Variants in NEGR1 observed in about 807,000 individuals in gnomAD.
NEGR1 encodes the protein neuronal growth regulator 1, also known as IgLON family member 4.
In NEGR1, 10 loss-of-function variants were observed where a neutral mutation model predicts 40.9. The ratio of observed to expected loss-of-function variants is 0.24; its 90% CI spans 0.15 to 0.42. The LOEUF is 0.42. Among genes scored for constraint, NEGR1 ranks in the 10% least tolerant of loss-of-function variants. The probability of loss-of-function intolerance (pLI) is 1.00; values close to 1 mark genes in which losing one functional copy is unlikely to be tolerated. For missense variants in NEGR1, 352 were observed against 438.9 expected, an observed-to-expected ratio of 0.80 and a Z score of 1.77; for synonymous variants, 185 against 166.8, an observed-to-expected ratio of 1.11 and a Z score of -0.84.
intron 2 of NEGR1, among the ~76,000 whole-genome samples, chr1:71,908,842 A>AT (rs1276685950): frequency 6.6e-6 from 1 of 152,084 alleles, no homozygotes; most frequent in Middle Eastern, 3.2e-3. Context: ...TTCCCGTGTT[A>AT]TTTTTTGTTA....
chr1:71,830,635 G>C (rs1451383033), intron 2 of NEGR1, among the ~76,000 whole-genome samples: 1 of 151,652 alleles, frequency 6.6e-6, no homozygotes, highest in African/African-American at 2.4e-5. Flanking sequence ...AAGAGTCAAA[G>C]AAAAAAACAG....
At chr1:71,943,014 ATG>A (rs57584687) in intron 1 of NEGR1, among the ~76,000 whole-genome samples, 1 of 133,808 alleles carries the variant, frequency 7.5e-6, no homozygotes, top group African/African-American at 2.7e-5. Context: ...GTATATATAT[ATG>A]TGTATATATA....
chr1:71,539,612 G>A (rs576954102), intron 6 of NEGR1, among the ~76,000 whole-genome samples: 5 of 151,700 alleles, frequency 3.3e-5, no homozygotes, highest in South Asian at 2.1e-4. Flanking sequence ...GTTCCTATAC[G>A]TATCTCTGTA....
intron 3 of NEGR1, among the ~76,000 whole-genome samples, chr1:71,746,750 A>ACACACGCGTACACACACACACG (rs1362730691): frequency 4.0e-5 from 6 of 149,842 alleles, no homozygotes; most frequent in Non-Finnish European, 8.8e-5. Flanking sequence ...ATGTACACAC[A>ACACACGCGTACACACACACACG]CACACGCGTA....
chr1:71,751,865 A>G lies in NEGR1; in HGVS notation c.535+24307T>C, dbSNP rs550998158. On this transcript the variant is annotated intron_variant, in intron 3 of 6. Coordinates refer to ENST00000357731, the MANE Select transcript of NEGR1 (RefSeq NM_173808.3). The stretch of plus-strand genomic sequence containing the variant: ...AGAATTCCATTTAAAATTATTATTG[A>G]CATATATGTGGAGGACATTATGTGA... Among the ~76,000 whole-genome samples, 3 of 152,332 alleles carry G rather than the reference A, an allele frequency of 2.0e-5. No homozygotes were observed. The South Asian group carries it at 6.2e-4, about 32-fold the overall frequency.
chr1:71,477,988 A>G (rs1646832522), intron 6 of NEGR1, among the ~76,000 whole-genome samples: 1 of 151,942 alleles, frequency 6.6e-6, no homozygotes, highest in Admixed American at 6.6e-5. Context: ...TTCTTGTATT[A>G]CTTTATCAGT....
chr1:72,012,511 G>A (rs3102916), intron 1 of NEGR1, among the ~76,000 whole-genome samples: 35,727 of 151,906 alleles, frequency 0.24, 5,652 homozygotes, highest in African/African-American at 0.45. Flanking sequence ...AACATCTGAC[G>A]GAGACTTTGG....
chr1:71,804,249 C>T (rs1352910524), intron 2 of NEGR1, among the ~76,000 whole-genome samples: 1 of 152,110 alleles, frequency 6.6e-6, no homozygotes, highest in Admixed American at 6.5e-5. Flanking sequence ...TGATAATAAA[C>T]AGCAATAACA....
chr1:71,813,500 T>C (rs544939346), intron 2 of NEGR1, among the ~76,000 whole-genome samples: 2 of 152,174 alleles, frequency 1.3e-5, no homozygotes, highest in African/African-American at 4.8e-5. Flanking sequence ...GGAAATAGCA[T>C]TGAATCTATA....
intron 1 of NEGR1, among the ~76,000 whole-genome samples, chr1:72,048,889 C>T (rs867705017): frequency 2.0e-5 from 3 of 151,610 alleles, no homozygotes; most frequent in Middle Eastern, 6.8e-3. Context: ...AATCCTTATA[C>T]CACTGGCCCA....
intron 2 of NEGR1, among the ~76,000 whole-genome samples, chr1:71,844,355 A>G (rs995272063): frequency 2.6e-5 from 4 of 152,180 alleles, no homozygotes; most frequent in African/African-American, 9.6e-5. Flanking sequence ...GATCCTGACA[A>G]CAGTGTTTAA....
chr1:72,055,357 C>A (rs1192330743), intron 1 of NEGR1, among the ~76,000 whole-genome samples: 1 of 151,072 alleles, frequency 6.6e-6, no homozygotes, highest in Non-Finnish European at 1.5e-5. Flanking sequence ...AAATTACTCC[C>A]TTATATTGAA....
intron 4 of NEGR1, among the ~76,000 whole-genome samples, chr1:71,630,705 T>G (rs767937528): frequency 3.3e-5 from 5 of 151,932 alleles, no homozygotes; most frequent in Admixed American, 6.6e-5. Flanking sequence ...GAAATCAGCC[T>G]GCATTTGGTA....
intron 1 of NEGR1, among the ~76,000 whole-genome samples, chr1:72,272,364 T>A (rs1202477133): frequency 6.6e-6 from 1 of 151,876 alleles, no homozygotes; most frequent in Non-Finnish European, 1.5e-5. Flanking sequence ...ATTCAACTGA[T>A]CAATGACCAA....
chr1:71,967,860 T>C (rs1044606207), intron 1 of NEGR1, among the ~76,000 whole-genome samples: 2 of 152,214 alleles, frequency 1.3e-5, no homozygotes, highest in Admixed American at 6.5e-5. Flanking sequence ...TTGCACAGAC[T>C]TATGAGCAGT....
chr1:71,715,596 ACTT>A (rs1292449675), intron 3 of NEGR1, among the ~76,000 whole-genome samples: 1 of 152,066 alleles, frequency 6.6e-6, no homozygotes, highest in Non-Finnish European at 1.5e-5. Context: ...GCTGCTAGAA[ACTT>A]CTTCTGCTAG....
chr1:71,981,127 C>A (rs1459911051), intron 1 of NEGR1, among the ~76,000 whole-genome samples: 1 of 152,034 alleles, frequency 6.6e-6, no homozygotes, highest in Non-Finnish European at 1.5e-5. Context: ...TGACAATGTT[C>A]CCTAAAATGA....
intron 6 of NEGR1, among the ~76,000 whole-genome samples, chr1:71,588,056 G>A (rs949649203): frequency 1.6e-4 from 25 of 152,146 alleles, no homozygotes; most frequent in Admixed American, 1.2e-3. Flanking sequence ...GAAACAAAGC[G>A]TGTACAACAT....
intron 1 of NEGR1, among the ~76,000 whole-genome samples, chr1:72,202,897 C>T (rs1653265564): frequency 6.6e-6 from 1 of 151,898 alleles, no homozygotes; most frequent in Admixed American, 6.6e-5. Context: ...TAGAACAAAG[C>T]CTGGACGAAA....
Sources: allele counts gnomAD v4.1 joint callset (sites outside exome capture counted in the v4.1 genomes callset), GRCh38; gene constraint gnomAD v4.1.1; transcripts MANE v1.5; gene names NCBI Gene and HGNC (gene_info 2026-07-23, HGNC 2026-07-21).